CLEC16A: variants seen among roughly 807,000 people sequenced by gnomAD.
CLEC16A encodes C-type lectin domain containing 16A, also known as protein CLEC16A.
In CLEC16A, 51 loss-of-function variants were observed where a neutral mutation model predicts 109.5. The ratio of observed to expected loss-of-function variants is 0.47; its 90% CI spans 0.37 to 0.59. The LOEUF (loss-of-function observed/expected upper bound fraction) is 0.59, where lower values mean the gene tolerates loss of function less well. Ranked by LOEUF, CLEC16A falls within the 20% of genes least tolerant of loss-of-function variation. The pLI is 0.00. For missense variants in CLEC16A, 1,339 were observed against 1,394.0 expected, an observed-to-expected ratio of 0.96 and a Z score of 0.63; for synonymous variants, 673 against 564.2, an observed-to-expected ratio of 1.19 and a Z score of -2.73.
rs1056504240 is a variant in CLEC16A at position 11,039,803 on chromosome 16, G to A, written c.1587G>A (p.Ala529=). The change falls in exon 14 of 24, where the codon GCG becomes GCA. Residue 529 remains alanine, a synonymous_variant. Coordinates refer to ENST00000409790, the MANE Select transcript of CLEC16A (RefSeq NM_015226.3). ...LERIQLPVPN[A]AEKTTYNHPL... is the part of the protein sequence containing the mutation. ...GAATCCAGCTCCCCGTGCCAAATGC[G>A]GCCGAGAAGACCACCTACAACCACC... is the stretch of plus-strand genomic sequence containing the variant. 9 of 1,610,010 alleles carry A rather than the reference G, an allele frequency of 5.6e-6. No individual in the cohort carries two copies. The highest frequency in any genetic ancestry group is 2.7e-5 in the African/African-American group (2 of 74,918).
chr16:11,175,901 C>G (rs2068729456), intron 23 of CLEC16A, among the ~76,000 whole-genome samples: 1 of 152,208 alleles, frequency 6.6e-6, no homozygotes, highest in Non-Finnish European at 1.5e-5. Flanking sequence ...CAGACTTGAG[C>G]AAAGAGAGAA....
At chr16:10,955,201 C>A (rs990463874) in intron 1 of CLEC16A, among the ~76,000 whole-genome samples, 2 of 152,224 alleles carry the variant, frequency 1.3e-5, no homozygotes, top group Non-Finnish European at 1.5e-5. Flanking sequence ...CTGTCACTTG[C>A]CGTGTCTGGC....
At chr16:10,979,517 C>G in intron 9 of CLEC16A, 135 bp downstream of exon 9, 1 of 726,524 alleles carries the variant, frequency 1.4e-6, no homozygotes, top group Non-Finnish European at 2.3e-6. Flanking sequence ...AACAGCAAAA[C>G]AGAAGGGGCT....
chr16:11,077,672 A>C (rs938549100), intron 19 of CLEC16A, among the ~76,000 whole-genome samples: 18 of 152,244 alleles, frequency 1.2e-4, no homozygotes, highest in African/African-American at 2.9e-4. Flanking sequence ...CAAAAAGAGC[A>C]AAATCCTGAT....
chr16:11,025,975 C>T (rs1395294937), intron 13 of CLEC16A, among the ~76,000 whole-genome samples: 2 of 152,166 alleles, frequency 1.3e-5, no homozygotes, highest in African/African-American at 4.8e-5. Flanking sequence ...TGGAGATACC[C>T]ATATTGTGCT....
intron 12 of CLEC16A, among the ~76,000 whole-genome samples, chr16:11,021,143 C>G (rs1425389185): frequency 6.6e-5 from 10 of 152,212 alleles, no homozygotes; most frequent in Non-Finnish European, 1.5e-5. Context: ...CCCCCATCCT[C>G]TTTAGTAATC....
chr16:11,086,826 C>T (rs1156378193), intron 19 of CLEC16A, among the ~76,000 whole-genome samples: 1 of 152,190 alleles, frequency 6.6e-6, no homozygotes, highest in Non-Finnish European at 1.5e-5. Context: ...CTTTCCAGAG[C>T]CTGGTGTCAT....
intron 22 of CLEC16A, among the ~76,000 whole-genome samples, chr16:11,127,338 T>C (rs1182051223): frequency 1.3e-5 from 2 of 152,240 alleles, no homozygotes; most frequent in Admixed American, 6.5e-5. Flanking sequence ...TCTTTTTTGC[T>C]GTTTCGTATT....
intron 23 of CLEC16A, among the ~76,000 whole-genome samples, chr16:11,176,461 C>T (rs893267534): frequency 1.1e-4 from 17 of 152,124 alleles, no homozygotes; most frequent in Admixed American, 6.6e-4. Context: ...GGGCTGGGCA[C>T]GGTGGTTCAC....
rs2048449767 is a variant in CLEC16A, at chr16:11,060,975, T to A, written c.2069T>A (p.Leu690Gln). Residue 690 changes from leucine to glutamine, a missense_variant, in exon 19 of 24, where the codon CTG (leucine) becomes CAG (glutamine). Leu to Gln is a moderately radical substitution (Grantham distance 113). This residue lies in a region of CLEC16A where 1,061 missense variants were observed against 1,006.8 expected (regional missense o/e 1.05). Coordinates refer to ENST00000409790, the MANE Select transcript of CLEC16A (RefSeq NM_015226.3). ...GGGGAGCCTGAGACACAGTTGCCGCTGACTCGGGAGGAGGACCTGATCAAG... is the reference window on the plus strand; with the variant it reads ...GGGGAGCCTGAGACACAGTTGCCGCAGACTCGGGAGGAGGACCTGATCAAG... ...LRGEPETQLP[L>Q]TREEDLIKTD... 6.2e-7 allele frequency: 1 copy of A among 1,612,590 alleles called. No homozygotes were observed. Among genetic ancestry groups the A allele is most frequent in the Non-Finnish European group, 8.5e-7 (1 of 1,179,572 alleles).
chr16:11,175,568 A>T (rs1456653705), intron 23 of CLEC16A, among the ~76,000 whole-genome samples: 1 of 152,230 alleles, frequency 6.6e-6, no homozygotes, highest in Admixed American at 6.5e-5. Context: ...CCTTGGTTGG[A>T]TACCCTTGTA....
intron 1 of CLEC16A, among the ~76,000 whole-genome samples, chr16:10,951,521 G>A (rs1438922068): frequency 6.6e-6 from 1 of 152,160 alleles, no homozygotes; most frequent in African/African-American, 2.4e-5. Flanking sequence ...CTGGAGTTCA[G>A]TCTGCCTGGT....
At chr16:10,964,223 C>G (rs2146156635) in intron 3 of CLEC16A, among the ~76,000 whole-genome samples, 1 of 152,340 alleles carries the variant, frequency 6.6e-6, no homozygotes, top group Admixed American at 6.5e-5. Flanking sequence ...CTCAGAGACG[C>G]CTTATGCTTC....
chr16:10,999,985 C>T (rs541474350), intron 10 of CLEC16A, among the ~76,000 whole-genome samples: 121 of 152,214 alleles, frequency 7.9e-4, no homozygotes, highest in Admixed American at 2.3e-3. Flanking sequence ...TACAAGCGCC[C>T]GCCACCACAC....
At chr16:11,047,255 G>A (rs767618925) in intron 16 of CLEC16A, 37 bp from the exon 17 acceptor site, 49 of 1,566,478 alleles carry the variant, frequency 3.1e-5, no homozygotes, top group Non-Finnish European at 4.0e-5. Context: ...AAAAAAATAT[G>A]AATAATCTCC....
In CLEC16A at chr16:10,979,357, C is replaced by T. The variant is rs775872909; in HGVS notation, c.932C>T (p.Pro311Leu). The part of the protein sequence containing the change: ...KGGERPKISL[P>L]VSLYLLSQVF... ...GGAGAACGGCCGAAAATTAGCCTGC[C>T]GGTGTCTCTTTATCTTCTGTCACAG... is the stretch of plus-strand genomic sequence containing the variant. The change falls in exon 9 of 24, where the codon CCG (proline) becomes CTG (leucine). Residue 311 changes from proline to leucine, a missense_variant. Around this residue, in one of 3 missense-constraint regions of CLEC16A, gnomAD observed 161 missense variants for 267.1 expected, o/e 0.60. Coordinates refer to ENST00000409790, the MANE Select transcript of CLEC16A (RefSeq NM_015226.3). 1.9e-6 allele frequency: 3 copies of T among 1,613,088 alleles called. No individual in the cohort carries two copies. The highest frequency in any genetic ancestry group is 2.5e-6 in the Non-Finnish European group (3 of 1,179,636).
At chr16:10,992,220 T>A (rs2044061072) in intron 10 of CLEC16A, among the ~76,000 whole-genome samples, 1 of 152,094 alleles carries the variant, frequency 6.6e-6, no homozygotes, top group Non-Finnish European at 1.5e-5. Flanking sequence ...ATCTCACTCC[T>A]CCTGTCTAAT....
At chr16:11,030,475 A>G (rs922897499) in intron 13 of CLEC16A, among the ~76,000 whole-genome samples, 1 of 152,166 alleles carries the variant, frequency 6.6e-6, no homozygotes, top group African/African-American at 2.4e-5. Context: ...ATAGGTTTGC[A>G]GTGGTATCTT....
chr16:10,998,265 T>C (rs918312208), intron 10 of CLEC16A, among the ~76,000 whole-genome samples: 3 of 152,200 alleles, frequency 2.0e-5, no homozygotes, highest in Non-Finnish European at 4.4e-5. Flanking sequence ...CTCTAAAATG[T>C]AGTTGCTGAC....
Sources: gnomAD v4.1 joint callset for allele counts (sites outside exome capture counted in the v4.1 genomes callset) on GRCh38, gnomAD v4.1.1 for gene constraint, gnomAD v4.1.1 regional missense constraint, MANE v1.5 for transcripts, NCBI Gene and HGNC (gene_info 2026-07-23, HGNC 2026-07-21) for gene names.